FNDC3B: variants seen among roughly 807,000 people sequenced by gnomAD.
FNDC3B encodes fibronectin type III domain containing 3B.
In FNDC3B, 12 loss-of-function variants were observed where a neutral mutation model predicts 151.5. That is an observed-to-expected ratio of 0.08 (90% CI 0.05 to 0.13). The LOEUF is 0.13. Ranked by LOEUF, FNDC3B falls within the 10% of genes least tolerant of loss-of-function variation. The pLI is 1.00. For missense variants in FNDC3B, 1,214 were observed against 1,505.3 expected (o/e 0.81, Z 3.20); for synonymous variants, 528 against 549.0 (o/e 0.96, Z 0.54).
At chr3:172,211,082 A>T (rs149329608) in intron 3 of FNDC3B, among the ~76,000 whole-genome samples, 1 of 152,354 alleles carries the variant, frequency 6.6e-6, no homozygotes, top group East Asian at 1.9e-4. Context: ...TTATGATTTC[A>T]TATGACAATA....
At chr3:172,197,378 T>C (rs1168449297) in intron 3 of FNDC3B, among the ~76,000 whole-genome samples, 1 of 152,134 alleles carries the variant, frequency 6.6e-6, no homozygotes, top group African/African-American at 2.4e-5. Context: ...GAGAGTAAAT[T>C]GGTCTCTTGA....
chr3:172,070,422 T>C (rs549960024), intron 1 of FNDC3B, among the ~76,000 whole-genome samples: 1 of 152,306 alleles, frequency 6.6e-6, no homozygotes, highest in African/African-American at 2.4e-5. Context: ...TTCTCTGGAA[T>C]TGGTGAAGAA....
intron 11 of FNDC3B, among the ~76,000 whole-genome samples, chr3:172,327,426 A>G (rs1466749639): frequency 6.6e-6 from 1 of 152,074 alleles, no homozygotes; most frequent in Non-Finnish European, 1.5e-5. Context: ...AGGAGGACGG[A>G]ATCTCACTCT....
intron 21 of FNDC3B, among the ~76,000 whole-genome samples, chr3:172,348,027 T>C (rs1389947929): frequency 1.3e-5 from 2 of 152,246 alleles, no homozygotes; most frequent in East Asian, 3.8e-4. Flanking sequence ...GAAAATAGAG[T>C]TCTTTGTCCT....
chr3:172,293,996 C>T (rs561869099), intron 7 of FNDC3B, among the ~76,000 whole-genome samples: 25 of 152,194 alleles, frequency 1.6e-4, no homozygotes, highest in Non-Finnish European at 3.2e-4. Context: ...TAAGCTTTAG[C>T]GTCTGTATTG....
intron 2 of FNDC3B, among the ~76,000 whole-genome samples, chr3:172,121,784 C>T (rs1458274059): frequency 2.0e-5 from 3 of 152,146 alleles, no homozygotes; most frequent in African/African-American, 7.2e-5. Context: ...CCAGGCTGGT[C>T]TTGAACTCCT....
At chr3:172,334,875 A>T in intron 14 of FNDC3B, 69 bp from the exon 15 acceptor site, 1 of 1,493,612 alleles carries the variant, frequency 6.7e-7, no homozygotes, top group South Asian at 1.2e-5. Flanking sequence ...CACCATGTTA[A>T]AAAGTGACCA....
At chr3:172,272,914 C>G (rs1729269338) in intron 6 of FNDC3B, among the ~76,000 whole-genome samples, 1 of 151,098 alleles carries the variant, frequency 6.6e-6, no homozygotes, top group South Asian at 2.1e-4. Context: ...AGCTGGTGAG[C>G]AGATGGAATG....
chr3:172,048,962 G>A (rs1043482751), intron 1 of FNDC3B, among the ~76,000 whole-genome samples: 4 of 152,194 alleles, frequency 2.6e-5, no homozygotes, highest in African/African-American at 9.7e-5. Context: ...TGGGGGAAGG[G>A]AAGATGGAGA....
chr3:172,294,879 C>A (rs1730516029), intron 7 of FNDC3B, among the ~76,000 whole-genome samples: 1 of 152,302 alleles, frequency 6.6e-6, no homozygotes, highest in East Asian at 1.9e-4. Context: ...TGATATTAAT[C>A]CCATATCAGC....
At chr3:172,134,993 A>C (rs1442903854) in intron 3 of FNDC3B, among the ~76,000 whole-genome samples, 1 of 152,136 alleles carries the variant, frequency 6.6e-6, no homozygotes, top group Non-Finnish European at 1.5e-5. Flanking sequence ...TATCTTAAAA[A>C]AAAAAAAAAA....
intron 3 of FNDC3B, among the ~76,000 whole-genome samples, chr3:172,190,351 A>G (rs528250025): frequency 6.6e-6 from 1 of 152,330 alleles, no homozygotes; most frequent in Admixed American, 6.5e-5. Flanking sequence ...TGTTTTTAAT[A>G]AAGTTGGTTG....
chr3:172,062,742 C>G (rs1717274772), intron 1 of FNDC3B, among the ~76,000 whole-genome samples: 1 of 151,938 alleles, frequency 6.6e-6, no homozygotes, highest in Non-Finnish European at 1.5e-5. Context: ...AAGTCATTCT[C>G]CATCCATCTA....
chr3:172,233,551 GC>G (rs1436397932), intron 4 of FNDC3B, among the ~76,000 whole-genome samples: 2 of 152,216 alleles, frequency 1.3e-5, no homozygotes, highest in African/African-American at 4.8e-5. Flanking sequence ...AAACAGTGGG[GC>G]CTGTTAGGTG....
At chr3:172,087,032 T>C (rs1391527440) in intron 1 of FNDC3B, among the ~76,000 whole-genome samples, 2 of 152,232 alleles carry the variant, frequency 1.3e-5, no homozygotes, top group Non-Finnish European at 2.9e-5. Context: ...CCAGAGTTTA[T>C]AGTTCCATTT....
intron 3 of FNDC3B, among the ~76,000 whole-genome samples, chr3:172,180,126 C>T (rs969080938): frequency 2.0e-5 from 3 of 152,134 alleles, no homozygotes; most frequent in African/African-American, 7.2e-5. Flanking sequence ...ACTGGCAAAG[C>T]AAGTGTATTT....
intron 3 of FNDC3B, among the ~76,000 whole-genome samples, chr3:172,167,938 T>C (rs1723088548): frequency 6.6e-6 from 1 of 152,212 alleles, no homozygotes; most frequent in Non-Finnish European, 1.5e-5. Context: ...CTGTCCTTGG[T>C]GCCAAAAAGG....
intron 1 of FNDC3B, among the ~76,000 whole-genome samples, chr3:172,101,937 A>C (rs1297647271): frequency 6.6e-6 from 1 of 152,206 alleles, no homozygotes; most frequent in Non-Finnish European, 1.5e-5. Context: ...CCAAAAACTC[A>C]ATTGTAGCCT....
chr3:172,225,462 C>T, intron 3 of FNDC3B: 1 of 237,788 alleles, frequency 4.2e-6, no homozygotes, highest in South Asian at 6.3e-5. Flanking sequence ...GTAAGTCAGA[C>T]AATATTTGCC....
Sources: gnomAD v4.1 joint callset for allele counts (sites outside exome capture counted in the v4.1 genomes callset) on GRCh38, gnomAD v4.1.1 for gene constraint, MANE v1.5 for transcripts, NCBI Gene and HGNC (gene_info 2026-07-23, HGNC 2026-07-21) for gene names.